Variants in PANX1 observed in about 807,000 individuals in gnomAD.
PANX1 encodes pannexin 1, also known as pannexin-1.
PANX1 carries 30 observed loss-of-function variants against 38.7 expected under a neutral mutation model. The observed-to-expected ratio is 0.78, with a 90% confidence interval of 0.58 to 1.05. The LOEUF is 1.05. Ranked by LOEUF, PANX1 falls within the 50% of genes least tolerant of loss-of-function variation. The pLI is 0.00. For synonymous variants in PANX1, 230 were observed against 212.2 expected, an observed-to-expected ratio of 1.08 and a Z score of -0.73; for missense variants, 551 against 517.2, an observed-to-expected ratio of 1.07 and a Z score of -0.63.
chr11:94,180,308 A>G (rs1947291122), intron 4 of PANX1, 51 bp downstream of exon 4: 11 of 1,432,418 alleles, frequency 7.7e-6, no homozygotes, highest in South Asian at 2.7e-5. Context: ...GAGCCTTTGC[A>G]GCAGCCTTGT....
chr11:94,170,624 G>C (rs1411520165), intron 2 of PANX1, among the ~76,000 whole-genome samples: 3 of 151,776 alleles, frequency 2.0e-5, no homozygotes, highest in African/African-American at 7.3e-5. Flanking sequence ...TCCACACTGA[G>C]CAGACTCGGG....
chr11:94,165,251 T>C (rs1947089610), intron 2 of PANX1, among the ~76,000 whole-genome samples: 1 of 151,932 alleles, frequency 6.6e-6, no homozygotes, highest in African/African-American at 2.4e-5. Flanking sequence ...TTCTCTTTTT[T>C]TCCTTTTTCT....
rs375124344 is a variant in PANX1 at position 94,130,346 on chromosome 11, T to C, written c.181+853T>C. Among the ~76,000 whole-genome samples, 43 of 152,228 alleles carry C rather than the reference T, an allele frequency of 2.8e-4. No individual in the cohort carries two copies. The East Asian group carries it at 6.6e-3, about 23-fold the overall frequency. ...GATTTGGACAAGAAGGAGTAAGACCTTTGTTAAGGTTTTGAGATGGCAGAG... is the reference window on the plus strand; with the variant it reads ...GATTTGGACAAGAAGGAGTAAGACCCTTGTTAAGGTTTTGAGATGGCAGAG... On this transcript the variant is annotated intron_variant, in intron 1 of 4. Transcript: ENST00000227638.
chr11:94,167,457 T>C (rs184211849), intron 2 of PANX1, among the ~76,000 whole-genome samples: 53 of 152,314 alleles, frequency 3.5e-4, no homozygotes, highest in Admixed American at 5.2e-4. Context: ...CCTCCTCTTA[T>C]GTACTGTCAA....
At chr11:94,175,022 C>T (rs1947216481) in intron 2 of PANX1, among the ~76,000 whole-genome samples, 1 of 151,714 alleles carries the variant, frequency 6.6e-6, no homozygotes, top group Non-Finnish European at 1.5e-5. Flanking sequence ...CTCACTCGAA[C>T]ATCATGCAGA....
chr11:94,139,934 C>G (rs1200911884), intron 1 of PANX1, among the ~76,000 whole-genome samples: 2 of 152,176 alleles, frequency 1.3e-5, no homozygotes, highest in Non-Finnish European at 1.5e-5. Context: ...GTAAGTCACT[C>G]TAGCAAATGA....
intron 1 of PANX1, among the ~76,000 whole-genome samples, chr11:94,140,841 A>G (rs932271119): frequency 6.6e-6 from 1 of 152,236 alleles, no homozygotes; most frequent in African/African-American, 2.4e-5. Context: ...AACCCATTAC[A>G]TGTTCAGGTA....
intron 2 of PANX1, among the ~76,000 whole-genome samples, chr11:94,166,568 C>G (rs1444855628): frequency 6.6e-6 from 1 of 152,106 alleles, no homozygotes; most frequent in Non-Finnish European, 1.5e-5. Context: ...ATCTTTTCAC[C>G]TGGTGTTTTT....
At chr11:94,174,809 G>A (rs886727225) in intron 2 of PANX1, among the ~76,000 whole-genome samples, 7 of 151,732 alleles carry the variant, frequency 4.6e-5, no homozygotes, top group African/African-American at 7.3e-5. Flanking sequence ...CCTTCGATGA[G>A]GTAGAGAGGA....
intron 1 of PANX1, among the ~76,000 whole-genome samples, chr11:94,131,781 G>A (rs1414265849): frequency 1.3e-5 from 2 of 152,206 alleles, no homozygotes; most frequent in African/African-American, 4.8e-5. Flanking sequence ...AATACATGGA[G>A]TTGGTACAGT....
chr11:94,155,126 G>T (rs763563479), intron 2 of PANX1, among the ~76,000 whole-genome samples: 1 of 152,060 alleles, frequency 6.6e-6, no homozygotes, highest in South Asian at 2.1e-4. Flanking sequence ...CGAGGCAAGC[G>T]GATCACTTGA....
intron 2 of PANX1, among the ~76,000 whole-genome samples, chr11:94,167,834 G>C (rs1262628839): frequency 6.6e-6 from 1 of 152,184 alleles, no homozygotes; most frequent in Non-Finnish European, 1.5e-5. Context: ...GGAGCTTGTT[G>C]TTTAGTGGAA....
chr11:94,136,806 G>T (rs987398724), intron 1 of PANX1, among the ~76,000 whole-genome samples: 1 of 152,126 alleles, frequency 6.6e-6, no homozygotes. Context: ...GAAGTATTAG[G>T]CAGCTCTCAC....
chr11:94,132,060 A>G (rs1946636460), intron 1 of PANX1, among the ~76,000 whole-genome samples: 1 of 152,178 alleles, frequency 6.6e-6, no homozygotes, highest in South Asian at 2.1e-4. Flanking sequence ...GTTGAACTTA[A>G]CACAGAGCTT....
intron 1 of PANX1, among the ~76,000 whole-genome samples, chr11:94,143,066 AG>A (rs577205198): frequency 2.0e-5 from 3 of 152,250 alleles, no homozygotes; most frequent in South Asian, 2.1e-4. Flanking sequence ...TAATAGTAAC[AG>A]TCATTGTAAG....
chr11:94,175,922 GT>G (rs1947227651), intron 2 of PANX1: 1 of 984,046 alleles, frequency 1.0e-6, no homozygotes, highest in Non-Finnish European at 1.2e-6. Context: ...GGGGTCATTT[GT>G]GCTTATTTCT....
chr11:94,160,188 A>G (rs1037635965), intron 2 of PANX1, among the ~76,000 whole-genome samples: 4 of 152,196 alleles, frequency 2.6e-5, no homozygotes, highest in Non-Finnish European at 4.4e-5. Context: ...TGGTGCTGAG[A>G]AGAATGTATA....
At chr11:94,137,252 T>C (rs773663067) in intron 1 of PANX1, among the ~76,000 whole-genome samples, 3 of 151,932 alleles carry the variant, frequency 2.0e-5, no homozygotes, top group Non-Finnish European at 4.4e-5. Flanking sequence ...TGCAGTGAGC[T>C]GAGATCATGC....
rs1210547889 is a variant in PANX1 at position 94,165,846 on chromosome 11, G to A, written c.321+12216G>A. 2.6e-5 allele frequency among the ~76,000 whole-genome samples: 4 copies of A among 152,310 alleles called. No homozygotes were observed. In the East Asian group the frequency reaches 7.7e-4, roughly 29 times the overall value. On this transcript the variant is annotated intron_variant, in intron 2 of 4. Transcript: ENST00000227638. ...AATCACTTGAACTTACCAAGAGGCAGAGGTTGCAGTGAGCTGAGATCGCAC... is the reference window on the plus strand; with the variant it reads ...AATCACTTGAACTTACCAAGAGGCAAAGGTTGCAGTGAGCTGAGATCGCAC...
Sources: gnomAD v4.1 joint callset for allele counts (sites outside exome capture counted in the v4.1 genomes callset) on GRCh38, gnomAD v4.1.1 for gene constraint, MANE v1.5 for transcripts, NCBI Gene and HGNC (gene_info 2026-07-23, HGNC 2026-07-21) for gene names.